Variants in ROS1 observed in about 807,000 individuals in gnomAD.
ROS1 encodes the protein ROS proto-oncogene 1, receptor tyrosine kinase, also known as proto-oncogene tyrosine-protein kinase ROS.
Under a neutral mutation model 273.5 loss-of-function variants are expected in ROS1, and 263 were observed. The observed-to-expected ratio is 0.96, with a 90% CI of 0.87 to 1.06. The LOEUF (loss-of-function observed/expected upper bound fraction) is 1.06, where lower values mean the gene tolerates loss of function less well. Among genes scored for constraint, ROS1 ranks in the 50% least tolerant of loss-of-function variants. The pLI is 0.00. For missense variants in ROS1, 2,833 were observed against 2,751.1 expected, an observed-to-expected ratio of 1.03 and a Z score of -0.67; for synonymous variants, 1,008 against 954.1, an observed-to-expected ratio of 1.06 and a Z score of -1.04.
At chr6:117,313,680 G>A (rs560285452) in intron 39 of ROS1, among the ~76,000 whole-genome samples, 5 of 152,184 alleles carry the variant, frequency 3.3e-5, no homozygotes, top group Non-Finnish European at 7.4e-5. Flanking sequence ...TAAGCTTTCC[G>A]GGCCTAGCTG....
intron 43 of ROS1, among the ~76,000 whole-genome samples, chr6:117,295,995 C>T (rs1165505993): frequency 6.6e-6 from 1 of 152,148 alleles, no homozygotes; most frequent in Admixed American, 6.5e-5. Flanking sequence ...TGTACATATG[C>T]CCAAAAGAAA....
chr6:117,404,112 G>A (rs1015597826), intron 6 of ROS1, among the ~76,000 whole-genome samples, 168 bp downstream of exon 6: 3 of 152,152 alleles, frequency 2.0e-5, no homozygotes, highest in Admixed American at 1.3e-4. Flanking sequence ...GCGGGCGCCT[G>A]TGGGCGGCTG....
intron 1 of ROS1, among the ~76,000 whole-genome samples, chr6:117,420,648 T>C (rs1285246154): frequency 6.6e-6 from 1 of 151,398 alleles, no homozygotes; most frequent in Non-Finnish European, 1.5e-5. Flanking sequence ...TGATCTGTAT[T>C]TTAATTCCAC....
chr6:117,413,850 A>G (rs1205574665), intron 4 of ROS1, among the ~76,000 whole-genome samples: 1 of 152,084 alleles, frequency 6.6e-6, no homozygotes, highest in African/African-American at 2.4e-5. Context: ...GCATGGTGGC[A>G]CATGCCTGTA....
rs143612488 is a variant in ROS1 at position 117,377,406 on chromosome 6, C to T, written c.2582+1653G>A. Among the ~76,000 whole-genome samples, 276 of 152,116 alleles carry T rather than the reference C, an allele frequency of 1.8e-3. 1 individual carries two copies. Among genetic ancestry groups the T allele is most frequent in the East Asian group, 0.013 (67 of 5,170 alleles). ...GATTACAGGCGTGAGCCACCACGCC[C>T]GGCCCAAATTATTTTCAATAAAGGT... On this transcript the variant is annotated intron_variant, in intron 18 of 43. Transcript: ENST00000368507.
chr6:117,418,573 T>C (rs1775517763), intron 1 of ROS1, 67 bp from the exon 2 acceptor site: 2 of 1,187,018 alleles, frequency 1.7e-6, no homozygotes, highest in East Asian at 5.3e-5. Context: ...TAACACACCT[T>C]TTAAAAAAGC....
In ROS1 at chr6:117,308,893, A is replaced by C. The variant is rs1775320283; in HGVS notation, c.6452T>G (p.Leu2151Arg). Reference sequence around the variant, plus strand: ...ATGAGCTGGATAAGGCTGATGACCAAGAGTTAAAATCTCCCAAATCAGAAT... The same window carrying C: ...ATGAGCTGGATAAGGCTGATGACCACGAGTTAAAATCTCCCAAATCAGAAT... ...FGILIWEILTLGHQPYPAHSN... is the reference protein window; with the variant it reads ...FGILIWEILTRGHQPYPAHSN... The change falls in exon 42 of 44, where the codon CTT (leucine) becomes CGT (arginine). Residue 2151 changes from leucine (L) to arginine (R), a missense_variant. Transcript: ENST00000368507. 6.2e-7 allele frequency: 1 copy of C among 1,613,422 alleles called. No individual in the cohort carries two copies. Among genetic ancestry groups the C allele is most frequent in the African/African-American group, 1.3e-5 (1 of 75,002 alleles).
At chr6:117,327,298 C>T (rs1776709635) in intron 33 of ROS1, among the ~76,000 whole-genome samples, 1 of 152,126 alleles carries the variant, frequency 6.6e-6, no homozygotes, top group Non-Finnish European at 1.5e-5. Flanking sequence ...CAGCTGTTCC[C>T]CGGAGCTGAG....
chr6:117,410,273 G>A (rs889564900), intron 4 of ROS1, among the ~76,000 whole-genome samples: 1 of 152,108 alleles, frequency 6.6e-6, no homozygotes, highest in African/African-American at 2.4e-5. Flanking sequence ...ACAATTATCT[G>A]CTTGCCATTT....
chr6:117,378,746 G>C (rs1781544859), intron 18 of ROS1, among the ~76,000 whole-genome samples: 1 of 152,100 alleles, frequency 6.6e-6, no homozygotes, highest in Admixed American at 6.6e-5. Flanking sequence ...CACAGGAAGA[G>C]TTCTGCCTTC....
At chr6:117,373,500 G>C (rs961050996) in intron 18 of ROS1, among the ~76,000 whole-genome samples, 3 of 152,236 alleles carry the variant, frequency 2.0e-5, no homozygotes, top group African/African-American at 7.2e-5. Context: ...GGGGGACCTG[G>C]TGCCCCTCTC....
At chr6:117,340,581 A>T (rs765965951) in intron 31 of ROS1, among the ~76,000 whole-genome samples, 2 of 152,174 alleles carry the variant, frequency 1.3e-5, no homozygotes, top group Non-Finnish European at 2.9e-5. Flanking sequence ...TCAATGAATT[A>T]ATCAGGTTAA....
intron 35 of ROS1, among the ~76,000 whole-genome samples, chr6:117,321,743 A>T (rs1259074685): frequency 6.6e-6 from 1 of 151,814 alleles, no homozygotes; most frequent in Non-Finnish European, 1.5e-5. Flanking sequence ...AAACATAATT[A>T]TTAGTGAAAC....
rs545356487 is a variant in ROS1, at chr6:117,409,613, G to C, written c.285C>G (p.Ser95Arg). The C allele has an allele frequency of 1.9e-6, 3 of 1,613,854 alleles. No homozygotes were observed. The highest frequency in any genetic ancestry group is 2.5e-6 in the Non-Finnish European group (3 of 1,179,872). ...ERESCEVGCS[S>R]AEGAYEEEVL... ...CTTCCTCTTCATATGCACCTTCCGC[G>C]CTGCTACAGCCAACCTCACACGACT... Residue 95 changes from serine (S) to arginine (R), a missense_variant, in exon 5 of 44, where the codon AGC (serine) becomes AGG (arginine). Physicochemically the swap from Ser to Arg is moderately radical, Grantham distance 110 (BLOSUM62 -1). Coordinates refer to ENST00000368507, the MANE Select transcript of ROS1 (RefSeq NM_001378902.1).
intron 4 of ROS1, among the ~76,000 whole-genome samples, chr6:117,412,773 C>T (rs1472575455): frequency 1.3e-5 from 2 of 152,146 alleles, no homozygotes; most frequent in African/African-American, 4.8e-5. Flanking sequence ...TATATAATCA[C>T]AGAAAACTGA....
At position 117,287,457 on chromosome 6, in the gene ROS1, A is replaced by G. The variant is rs747423980; in HGVS notation, c.*1035T>C. 1.3e-4 allele frequency among the ~76,000 whole-genome samples: 20 copies of G among 152,238 alleles called. No individual in the cohort carries two copies. The highest frequency in any genetic ancestry group is 1.3e-4 in the Admixed American group (2 of 15,282). ...ATAGATATGGCAAATAGCAATCTTT[A>G]TACTAGTTAATTTCCATAATAGCAC... On this transcript the variant is annotated 3_prime_UTR_variant, in exon 44 of 44. Transcript: ENST00000368507.
At chr6:117,361,328 T>G (rs1779782693) in intron 22 of ROS1, among the ~76,000 whole-genome samples, 1 of 151,810 alleles carries the variant, frequency 6.6e-6, no homozygotes, top group Non-Finnish European at 1.5e-5. Flanking sequence ...AAGTACTTTA[T>G]CAACAAAACA....
chr6:117,406,657 A>C (rs1562375915), intron 5 of ROS1, among the ~76,000 whole-genome samples: 1 of 152,228 alleles, frequency 6.6e-6, no homozygotes, highest in Non-Finnish European at 1.5e-5. Flanking sequence ...GTTTCTCAGA[A>C]ATTTTTTTAT....
chr6:117,316,839 A>G (rs760582224), intron 39 of ROS1, among the ~76,000 whole-genome samples: 2 of 152,118 alleles, frequency 1.3e-5, no homozygotes, highest in Non-Finnish European at 2.9e-5. Flanking sequence ...TAGATTAAGT[A>G]CAGAGATATG....
Sources: gnomAD v4.1 joint callset for allele counts (sites outside exome capture counted in the v4.1 genomes callset) on GRCh38, gnomAD v4.1.1 for gene constraint, MANE v1.5 for transcripts, NCBI Gene and HGNC (gene_info 2026-07-23, HGNC 2026-07-21) for gene names.